The following ANKS1B variants were observed in gnomAD, a reference collection of about 807,000 sequenced individuals.
ANKS1B encodes ankyrin repeat and sterile alpha motif domain-containing protein 1B.
In ANKS1B, 36 loss-of-function variants were observed where a neutral mutation model predicts 148.3. The observed-to-expected ratio is 0.24, with a 90% CI of 0.19 to 0.32. The LOEUF is 0.32. Ranked by LOEUF, ANKS1B falls within the 10% of genes least tolerant of loss-of-function variation. ANKS1B has a pLI of 1.00. For missense variants in ANKS1B, 1,157 were observed against 1,542.6 expected, an observed-to-expected ratio of 0.75 and a Z score of 4.19; for synonymous variants, 542 against 560.8, an observed-to-expected ratio of 0.97 and a Z score of 0.47.
At chr12:98,954,489 T>G (rs2099859162) in intron 17 of ANKS1B, 1 of 152,214 alleles carries the variant, frequency 6.6e-6, no homozygotes, top group East Asian at 1.9e-4. Flanking sequence ...GGCTCCTCCC[T>G]TGCAAATGGA....
At chr12:99,225,742 T>C (rs1428317563) in intron 14 of ANKS1B, among the ~76,000 whole-genome samples, 1 of 152,244 alleles carries the variant, frequency 6.6e-6, no homozygotes, top group African/African-American at 2.4e-5. Context: ...AGTGATTTGC[T>C]AGGGGCTCTT....
At position 98,830,614 on chromosome 12, in the gene ANKS1B, C is replaced by A. The variant is rs1394783318; in HGVS notation, c.2887-1261G>T. On this transcript the variant is annotated intron_variant, in intron 18 of 26. Coordinates refer to ENST00000683438, the MANE Select transcript of ANKS1B (RefSeq NM_001352186.2). ...TTTATTGATAAGAGGCAGCCCACTG[C>A]ATTTCATCACGATGGTTACGTCCGG... Among the ~76,000 whole-genome samples the A allele has an allele frequency of 2.0e-5, 3 of 152,226 alleles. No homozygotes were observed. The East Asian group carries it at 5.8e-4, about 29-fold the overall frequency.
At chr12:99,655,285 T>C in intron 8 of ANKS1B, 75 bp from the exon 9 acceptor site, 2 of 1,318,920 alleles carry the variant, frequency 1.5e-6, no homozygotes, top group South Asian at 1.6e-5. Context: ...TTAAATTCTA[T>C]AAATGACAGT....
chr12:99,353,016 G>A (rs1393693574), intron 12 of ANKS1B, among the ~76,000 whole-genome samples: 1 of 151,908 alleles, frequency 6.6e-6, no homozygotes, highest in Non-Finnish European at 1.5e-5. Flanking sequence ...CCCCTAAACA[G>A]GGATGTTATC....
At chr12:99,780,402 A>G (rs1377098117) in intron 5 of ANKS1B, among the ~76,000 whole-genome samples, 1 of 151,848 alleles carries the variant, frequency 6.6e-6, no homozygotes, top group Non-Finnish European at 1.5e-5. Flanking sequence ...CAGACTCCTG[A>G]GTAGCTGGGA....
At chr12:98,945,522 A>C (rs1331963567) in intron 17 of ANKS1B, among the ~76,000 whole-genome samples, 1 of 151,174 alleles carries the variant, frequency 6.6e-6, no homozygotes, top group Non-Finnish European at 1.5e-5. Context: ...AAAAAAAAAA[A>C]AAAAAAAAAA....
chr12:99,966,824 T>A (rs1671360159), intron 1 of ANKS1B, among the ~76,000 whole-genome samples: 1 of 152,196 alleles, frequency 6.6e-6, no homozygotes, highest in Admixed American at 6.5e-5. Flanking sequence ...GCACAGCACA[T>A]ACAACTTCCG....
chr12:98,810,543 C>CT (rs2099086910), intron 19 of ANKS1B, among the ~76,000 whole-genome samples: 1 of 152,200 alleles, frequency 6.6e-6, no homozygotes, highest in Non-Finnish European at 1.5e-5. Flanking sequence ...ATCTTGCAGG[C>CT]TGTAACCCTT....
At chr12:99,733,149 C>T (rs921722428) in intron 8 of ANKS1B, among the ~76,000 whole-genome samples, 11 of 152,128 alleles carry the variant, frequency 7.2e-5, no homozygotes, top group African/African-American at 2.7e-4. Context: ...ACTCCCACTG[C>T]CTTTATGCTT....
chr12:98,891,475 T>C (rs1427380835), intron 17 of ANKS1B, among the ~76,000 whole-genome samples: 1 of 152,208 alleles, frequency 6.6e-6, no homozygotes, highest in Non-Finnish European at 1.5e-5. Context: ...GGAATGGTTT[T>C]CATTTCACAC....
chr12:98,936,487 C>T (rs1431055331), intron 17 of ANKS1B, among the ~76,000 whole-genome samples: 3 of 151,938 alleles, frequency 2.0e-5, no homozygotes, highest in Non-Finnish European at 2.9e-5. Flanking sequence ...ATTAGCCGGG[C>T]GTGGTGGCAG....
At chr12:98,937,621 C>A (rs1474989331) in intron 17 of ANKS1B, among the ~76,000 whole-genome samples, 1 of 152,122 alleles carries the variant, frequency 6.6e-6, no homozygotes, top group African/African-American at 2.4e-5. Context: ...CTGAACCTCT[C>A]AGGTATGCCA....
chr12:99,043,579 G>GT (rs773007326), intron 17 of ANKS1B, among the ~76,000 whole-genome samples: 3 of 152,178 alleles, frequency 2.0e-5, no homozygotes, highest in African/African-American at 2.4e-5. Context: ...GAGGCTCAAG[G>GT]TAATAGCTCT....
At chr12:99,529,653 A>C (rs1567283522) in intron 9 of ANKS1B, among the ~76,000 whole-genome samples, 1 of 148,036 alleles carries the variant, frequency 6.8e-6, no homozygotes, top group Admixed American at 6.6e-5. Flanking sequence ...CTCTGTTTCC[A>C]GGAAAAAAAT....
intron 17 of ANKS1B, among the ~76,000 whole-genome samples, chr12:98,870,863 G>A (rs908072284): frequency 6.6e-6 from 1 of 152,174 alleles, no homozygotes; most frequent in Non-Finnish European, 1.5e-5. Context: ...GCCTTTGCCC[G>A]ACAGTAACAA....
chr12:99,724,998 T>C (rs2058477780), intron 8 of ANKS1B, among the ~76,000 whole-genome samples: 1 of 152,134 alleles, frequency 6.6e-6, no homozygotes, highest in African/African-American at 2.4e-5. Flanking sequence ...CAAGAGCCCC[T>C]GAGGGAAGCA....
chr12:98,785,610 C>T (rs1290262765), intron 22 of ANKS1B, among the ~76,000 whole-genome samples: 1 of 152,166 alleles, frequency 6.6e-6, no homozygotes, highest in African/African-American at 2.4e-5. Context: ...AATGTGAGCA[C>T]GGGGCTTCAG....
intron 10 of ANKS1B, among the ~76,000 whole-genome samples, chr12:99,471,621 A>T (rs551410891): frequency 1.4e-4 from 21 of 151,594 alleles, no homozygotes; most frequent in African/African-American, 4.6e-4. Flanking sequence ...TAATGAGTAG[A>T]CATAAAACAA....
chr12:99,701,025 G>A (rs2054725541), intron 8 of ANKS1B, among the ~76,000 whole-genome samples: 1 of 152,242 alleles, frequency 6.6e-6, no homozygotes, highest in South Asian at 2.1e-4. Context: ...GTGACCTTTG[G>A]TGAGTACGTG....
Sources: allele counts gnomAD v4.1 joint callset (sites outside exome capture counted in the v4.1 genomes callset), GRCh38; gene constraint gnomAD v4.1.1; transcripts MANE v1.5; gene names NCBI Gene and HGNC (gene_info 2026-07-23, HGNC 2026-07-21).